FGD4: variants seen among roughly 807,000 people sequenced by gnomAD.
FGD4 encodes FYVE, RhoGEF and PH domain-containing protein 4.
FGD4 carries 42 observed loss-of-function variants against 102.0 expected under a neutral mutation model. The ratio of observed to expected loss-of-function variants is 0.41; its 90% CI spans 0.32 to 0.53. The LOEUF (loss-of-function observed/expected upper bound fraction) is 0.53. Ranked by LOEUF, FGD4 falls within the 20% of genes least tolerant of loss-of-function variation. The pLI, the probability that FGD4 is intolerant of heterozygous loss-of-function variation, is 0.21. For synonymous variants in FGD4, 380 were observed against 375.7 expected, an observed-to-expected ratio of 1.01 and a Z score of -0.13; for missense variants, 902 against 1,078.2, an observed-to-expected ratio of 0.84 and a Z score of 2.29.
intron 1 of FGD4, among the ~76,000 whole-genome samples, chr12:32,487,390 G>A (rs983700795): frequency 1.3e-5 from 2 of 151,820 alleles, no homozygotes; most frequent in Non-Finnish European, 2.9e-5. Flanking sequence ...GCAGCGATGT[G>A]CTTGCAATTT....
At chr12:32,636,148 C>T (rs4931029) in intron 15 of FGD4, among the ~76,000 whole-genome samples, 13,689 of 151,932 alleles carry the variant, frequency 0.09, 755 homozygotes, top group Middle Eastern at 0.18. Flanking sequence ...TAAGTGGTCG[C>T]GTAAAAAAAC....
At chr12:32,402,912 C>T (rs6488053) in intron 1 of FGD4, among the ~76,000 whole-genome samples, 28,268 of 151,930 alleles carry the variant, frequency 0.19, 3,607 homozygotes, top group African/African-American at 0.36. Context: ...GTGCTTTCTT[C>T]TTTGACTCAA....
At chr12:32,447,010 C>A (rs1467650005) in intron 1 of FGD4, among the ~76,000 whole-genome samples, 1 of 152,104 alleles carries the variant, frequency 6.6e-6, no homozygotes, top group African/African-American at 2.4e-5. Context: ...TTCCAGGTAA[C>A]AAAAGGATAA....
chr12:32,485,436 A>ATTTTTT (rs372655892), intron 1 of FGD4, among the ~76,000 whole-genome samples: 30 of 114,200 alleles, frequency 2.6e-4, no homozygotes, highest in African/African-American at 9.1e-4. Flanking sequence ...TTTAAGACCA[A>ATTTTTT]TTTTTTTTTT....
chr12:32,452,377 A>G (rs1165783418), intron 1 of FGD4, among the ~76,000 whole-genome samples: 1 of 152,228 alleles, frequency 6.6e-6, no homozygotes, highest in Non-Finnish European at 1.5e-5. Context: ...TGGGCAGATA[A>G]CTGTTCCTCC....
Position 32,611,218 on chromosome 12 carries a change from A to G in FGD4, c.1684A>G (p.Lys562Glu), listed in dbSNP as rs1949114566. 1 of 1,614,224 alleles carries G rather than the reference A, an allele frequency of 6.2e-7. No individual in the cohort carries two copies. Among genetic ancestry groups the G allele is most frequent in the Non-Finnish European group, 8.5e-7 (1 of 1,180,034 alleles). The change falls in exon 10 of 17, where the codon AAA becomes GAA. Residue 562 changes from lysine (K) to glutamate (E), a missense_variant. Coordinates refer to ENST00000534526, the MANE Select transcript of FGD4 (RefSeq NM_001370298.3). ...TGTAAACCCTTCAAATGAACTAATA[A>G]AAGAAGGACAGATCCTCAAACTAGC... Reference protein sequence around the residue: ...DIVNPSNELIKEGQILKLAAR... With the variant: ...DIVNPSNELIEEGQILKLAAR...
intron 1 of FGD4, among the ~76,000 whole-genome samples, chr12:32,527,266 C>A (rs775186995): frequency 6.6e-6 from 1 of 152,164 alleles, no homozygotes. Context: ...TGTTTAATGT[C>A]AGGCTGATCT....
At chr12:32,585,037 G>A (rs1483646413) in intron 4 of FGD4, among the ~76,000 whole-genome samples, 2 of 151,252 alleles carry the variant, frequency 1.3e-5, no homozygotes, top group Middle Eastern at 3.2e-3. Flanking sequence ...CCTGAGCAAC[G>A]TGGCAAAACC....
At position 32,598,569 on chromosome 12, in the gene FGD4, C is replaced by T. The variant is rs772027593; in HGVS notation, c.1084C>T (p.Leu362Phe). Residue 362 changes from leucine (L) to phenylalanine (F), a missense_variant, in exon 5 of 17, where the codon CTT becomes TTT. Coordinates refer to ENST00000534526, the MANE Select transcript of FGD4 (RefSeq NM_001370298.3). ...LLTERAYVNR[L>F]DLLDQVFYCK... ...TACTGAAAGAGCTTATGTCAACCGA[C>T]TTGACCTCTTAGATCAGGTAAGATT... 14 of 1,613,546 alleles carry T rather than the reference C, an allele frequency of 8.7e-6. No individual in the cohort carries two copies. Among genetic ancestry groups the T allele is most frequent in the Non-Finnish European group, 1.2e-5 (14 of 1,179,626 alleles).
intron 1 of FGD4, among the ~76,000 whole-genome samples, chr12:32,525,607 TG>T (rs1217091540): frequency 2.0e-5 from 3 of 152,236 alleles, no homozygotes; most frequent in African/African-American, 7.2e-5. Flanking sequence ...CACTGCACTG[TG>T]GGAGCCCCTT....
intron 1 of FGD4, among the ~76,000 whole-genome samples, chr12:32,433,504 A>AT (rs546534962): frequency 6.8e-4 from 103 of 151,364 alleles, no homozygotes; most frequent in African/African-American, 2.5e-3. Context: ...ACCTGCCATC[A>AT]TTTTTGTATT....
chr12:32,581,601 TATATC>T (rs1181431560), intron 3 of FGD4, among the ~76,000 whole-genome samples: 1 of 152,334 alleles, frequency 6.6e-6, no homozygotes. Flanking sequence ...ACGTAAGTAT[TATATC>T]TAACTAAGTC....
At chr12:32,624,744 G>C in intron 12 of FGD4, 1 of 636,208 alleles carries the variant, frequency 1.6e-6, no homozygotes. Context: ...AAAGTGCTGG[G>C]ATTACAGGTG....
At chr12:32,462,942 T>C (rs990142802) in intron 1 of FGD4, among the ~76,000 whole-genome samples, 2 of 152,234 alleles carry the variant, frequency 1.3e-5, no homozygotes, top group African/African-American at 4.8e-5. Context: ...CACCCTGTAT[T>C]TCTTTTGTGG....
chr12:32,617,057 G>A (rs1949497170), intron 10 of FGD4, among the ~76,000 whole-genome samples: 1 of 151,974 alleles, frequency 6.6e-6, no homozygotes, highest in African/African-American at 2.4e-5. Flanking sequence ...ATCCATTCCT[G>A]GATTAATTCA....
intron 1 of FGD4, among the ~76,000 whole-genome samples, chr12:32,532,063 C>T (rs986906678): frequency 1.3e-5 from 2 of 152,026 alleles, no homozygotes; most frequent in Admixed American, 1.3e-4. Flanking sequence ...ATTTCAAGAC[C>T]CTAGTGGATG....
At chr12:32,421,916 G>A (rs553092802) in intron 1 of FGD4, among the ~76,000 whole-genome samples, 6 of 152,084 alleles carry the variant, frequency 3.9e-5, no homozygotes, top group Admixed American at 2.0e-4. Context: ...TGAGGCAGGC[G>A]GATCATGAGG....
rs187814731 is a variant in FGD4, at chr12:32,603,667, G to A, written c.1404+1350G>A. ...CCCAAAATGCTGGGATTATAGGCGT[G>A]AGCCACCGCGCCTGGCCTTTGTTTC... On this transcript the variant is annotated intron_variant, in intron 7 of 16. Transcript: ENST00000534526. Among the ~76,000 whole-genome samples the A allele has an allele frequency of 9.1e-4, 137 of 151,354 alleles. 1 individual carries two copies. In the East Asian group the frequency reaches 0.023, roughly 26 times the overall value.
chr12:32,453,861 G>C (rs895394565), intron 1 of FGD4, among the ~76,000 whole-genome samples: 1 of 152,046 alleles, frequency 6.6e-6, no homozygotes, highest in Admixed American at 6.5e-5. Context: ...TTTGTTGAAT[G>C]AATGGATCAA....
Sources: gnomAD v4.1 joint callset for allele counts (sites outside exome capture counted in the v4.1 genomes callset) on GRCh38, gnomAD v4.1.1 for gene constraint, MANE v1.5 for transcripts, NCBI Gene and HGNC (gene_info 2026-07-23, HGNC 2026-07-21) for gene names.